The following FSTL5 variants were observed in gnomAD, a reference collection of about 807,000 sequenced individuals.
FSTL5 encodes follistatin like 5.
FSTL5 carries 62 observed loss-of-function variants against 89.1 expected under a neutral mutation model. That is an observed-to-expected ratio of 0.70 (90% CI 0.57 to 0.86). The LOEUF is 0.86. FSTL5 is among the 40% of genes least tolerant of loss of function. The probability of loss-of-function intolerance (pLI) is 0.00; values close to 1 mark genes in which losing one functional copy is unlikely to be tolerated. For synonymous variants in FSTL5, 383 were observed against 346.2 expected (o/e 1.11, Z -1.18); for missense variants, 1,057 against 1,001.6 (o/e 1.06, Z -0.75).
At position 162,163,844 on chromosome 4, in the gene FSTL5, G is replaced by A. The variant is rs1262401076; in HGVS notation, c.-246C>T. 1 of 152,228 alleles carries A rather than the reference G, an allele frequency of 6.6e-6. No individual in the cohort carries two copies. Among genetic ancestry groups the A allele is most frequent in the African/African-American group, 2.4e-5 (1 of 41,460 alleles). The allele number at this position is 152,228 out of a possible 1,614,324, so 9.4% of individuals were successfully genotyped here. A position where few individuals can be genotyped will look rare whatever the true frequency, so the allele number is the denominator to read the frequency against. On this transcript the variant is annotated 5_prime_UTR_variant, in exon 1 of 16. Coordinates refer to ENST00000306100, the MANE Select transcript of FSTL5 (RefSeq NM_020116.5). ...CACACTCCTTTGTCAAGTTGATATGGGTCCTGTTGGTGAAGCGGGTCCCAC... is the reference window on the plus strand; with the variant it reads ...CACACTCCTTTGTCAAGTTGATATGAGTCCTGTTGGTGAAGCGGGTCCCAC...
chr4:162,103,310 G>T (rs1731076476), intron 2 of FSTL5, among the ~76,000 whole-genome samples: 1 of 152,106 alleles, frequency 6.6e-6, no homozygotes, highest in Non-Finnish European at 1.5e-5. Flanking sequence ...ACTCTTAAAA[G>T]GACAAAACTA....
At chr4:162,117,869 A>G (rs1731705331) in intron 1 of FSTL5, among the ~76,000 whole-genome samples, 1 of 152,110 alleles carries the variant, frequency 6.6e-6, no homozygotes, top group Non-Finnish European at 1.5e-5. Context: ...TAAATTGATA[A>G]AAATTAATTA....
chr4:161,915,593 C>T (rs1434472398), intron 4 of FSTL5, among the ~76,000 whole-genome samples: 1 of 151,806 alleles, frequency 6.6e-6, no homozygotes, highest in East Asian at 1.9e-4. Flanking sequence ...ATAGATGTAC[C>T]AAACATAAGG....
chr4:161,533,590 C>T (rs1465046837), intron 10 of FSTL5, among the ~76,000 whole-genome samples: 1 of 152,008 alleles, frequency 6.6e-6, no homozygotes, highest in Non-Finnish European at 1.5e-5. Context: ...ACAAAATGTA[C>T]CGACCAAAAA....
chr4:161,499,339 G>T (rs185540286), intron 12 of FSTL5, among the ~76,000 whole-genome samples: 25 of 152,128 alleles, frequency 1.6e-4, no homozygotes. Context: ...TAAATAAAAG[G>T]ACATTAGATT....
intron 6 of FSTL5, among the ~76,000 whole-genome samples, chr4:161,754,598 T>A (rs1237864809): frequency 6.6e-6 from 1 of 152,122 alleles, no homozygotes; most frequent in Non-Finnish European, 1.5e-5. Context: ...AGAACAAAAA[T>A]TCTATCTCTG....
At chr4:161,538,094 C>T (rs751952989) in intron 10 of FSTL5, 72 bp downstream of exon 10, 1 of 1,500,198 alleles carries the variant, frequency 6.7e-7, no homozygotes, top group Non-Finnish European at 9.1e-7. Context: ...GGTGCCTTTA[C>T]TTTTTAAAAA....
chr4:161,534,088 A>G (rs993468103), intron 10 of FSTL5, among the ~76,000 whole-genome samples: 20 of 152,110 alleles, frequency 1.3e-4, no homozygotes, highest in African/African-American at 4.1e-4. Context: ...TTAAAATAAT[A>G]AGAACCACCT....
At chr4:161,784,181 C>T (rs1347586025) in intron 4 of FSTL5, among the ~76,000 whole-genome samples, 1 of 151,724 alleles carries the variant, frequency 6.6e-6, no homozygotes, top group Non-Finnish European at 1.5e-5. Flanking sequence ...AGTGATCCTC[C>T]CCACTCAGCC....
intron 4 of FSTL5, among the ~76,000 whole-genome samples, chr4:161,851,767 T>C (rs1731559993): frequency 6.6e-6 from 1 of 151,838 alleles, no homozygotes; most frequent in African/African-American, 2.4e-5. Flanking sequence ...TTTTTGATAA[T>C]ATATTACTTA....
At chr4:161,597,647 AAAAT>A (rs138054883) in intron 7 of FSTL5, among the ~76,000 whole-genome samples, 28,832 of 149,010 alleles carry the variant, frequency 0.19, 2,876 homozygotes, top group East Asian at 0.35. Flanking sequence ...TATGAAACAA[AAAAT>A]AAATAAATAC....
chr4:161,654,098 C>G (rs1248496650), intron 7 of FSTL5, among the ~76,000 whole-genome samples: 1 of 152,080 alleles, frequency 6.6e-6, no homozygotes, highest in South Asian at 2.1e-4. Flanking sequence ...AGAGACCTGA[C>G]ATATCCAGTG....
chr4:161,417,202 A>C (rs1306541639), intron 15 of FSTL5, among the ~76,000 whole-genome samples: 1 of 152,188 alleles, frequency 6.6e-6, no homozygotes, highest in Non-Finnish European at 1.5e-5. Context: ...AAATAACGCT[A>C]TTTTATGCTT....
At chr4:161,972,398 T>C (rs996252976) in intron 3 of FSTL5, among the ~76,000 whole-genome samples, 2 of 152,240 alleles carry the variant, frequency 1.3e-5, no homozygotes, top group Admixed American at 1.3e-4. Flanking sequence ...ATAATGCAAT[T>C]TAGAAAAGGT....
intron 1 of FSTL5, among the ~76,000 whole-genome samples, chr4:162,154,814 T>G (rs1284852488): frequency 6.6e-6 from 1 of 151,940 alleles, no homozygotes; most frequent in East Asian, 1.9e-4. Flanking sequence ...CTATGCAGGT[T>G]TTTTTTTACA....
At chr4:161,646,980 GC>G (rs554787448) in intron 7 of FSTL5, among the ~76,000 whole-genome samples, 4 of 151,974 alleles carry the variant, frequency 2.6e-5, no homozygotes, top group Admixed American at 2.0e-4. Flanking sequence ...TGTTTCCTTT[GC>G]TATGCAGAAA....
intron 7 of FSTL5, among the ~76,000 whole-genome samples, chr4:161,608,901 A>T (rs555727900): frequency 1.1e-4 from 17 of 152,110 alleles, no homozygotes; most frequent in African/African-American, 4.1e-4. Context: ...GAGTTTTCAC[A>T]CCTGTTGCCT....
chr4:162,104,636 C>T (rs1025883796), intron 2 of FSTL5, among the ~76,000 whole-genome samples: 1 of 152,156 alleles, frequency 6.6e-6, no homozygotes, highest in Non-Finnish European at 1.5e-5. Flanking sequence ...CTGGGCTTAA[C>T]AAAACTAGCC....
intron 6 of FSTL5, among the ~76,000 whole-genome samples, chr4:161,676,848 CAAG>C (rs910147928): frequency 1.3e-5 from 2 of 151,528 alleles, no homozygotes; most frequent in African/African-American, 4.8e-5. Context: ...TCAGGTTTTC[CAAG>C]AATATCAATA....
Sources: gnomAD v4.1 joint callset for allele counts (sites outside exome capture counted in the v4.1 genomes callset) on GRCh38, gnomAD v4.1.1 for gene constraint, MANE v1.5 for transcripts, NCBI Gene and HGNC (gene_info 2026-07-23, HGNC 2026-07-21) for gene names.